Variants in LAMA2 observed in about 807,000 individuals in gnomAD.
LAMA2 encodes laminin subunit alpha-2.
Under a neutral mutation model 364.8 loss-of-function variants are expected in LAMA2, and 269 were observed. The observed-to-expected ratio is 0.74, with a 90% confidence interval of 0.67 to 0.82. The LOEUF is 0.82. LAMA2 is among the 40% of genes least tolerant of loss of function. The pLI, the probability that LAMA2 is intolerant of heterozygous loss-of-function variation, is 0.00. For synonymous variants in LAMA2, 1,379 were observed against 1,370.6 expected (o/e 1.01, Z -0.14); for missense variants, 3,807 against 3,873.2 (o/e 0.98, Z 0.45).
At chr6:128,948,061 A>G (rs1006684854) in intron 1 of LAMA2, among the ~76,000 whole-genome samples, 8 of 152,136 alleles carry the variant, frequency 5.3e-5, no homozygotes, top group African/African-American at 1.9e-4. Flanking sequence ...TGGGGAGTTA[A>G]AAGAGCCTGT....
chr6:129,420,610 CAAAA>C (rs964343468), intron 40 of LAMA2, among the ~76,000 whole-genome samples: 3 of 151,442 alleles, frequency 2.0e-5, no homozygotes, highest in African/African-American at 7.3e-5. Context: ...AAAAAGTAAA[CAAAA>C]AAACAGAAAA....
intron 15 of LAMA2, among the ~76,000 whole-genome samples, chr6:129,266,852 A>G (rs550621550): frequency 2.0e-4 from 30 of 151,936 alleles, no homozygotes; most frequent in African/African-American, 7.2e-4. Flanking sequence ...GCTTTATTTT[A>G]CCATTTCAGA....
intron 30 of LAMA2, 95 bp downstream of exon 30, chr6:129,342,562 C>CA: frequency 2.5e-6 from 3 of 1,185,198 alleles, no homozygotes; most frequent in Non-Finnish European, 3.6e-6. Context: ...TCCATGTAGA[C>CA]AAAAATCTCA....
intron 16 of LAMA2, among the ~76,000 whole-genome samples, chr6:129,269,945 A>G (rs1195648043): frequency 6.6e-6 from 1 of 152,142 alleles, no homozygotes; most frequent in East Asian, 1.9e-4. Flanking sequence ...CCTGTTTTCA[A>G]ATATCACCAG....
At chr6:129,172,704 G>A (rs1334615438) in intron 9 of LAMA2, among the ~76,000 whole-genome samples, 1 of 152,250 alleles carries the variant, frequency 6.6e-6, no homozygotes, top group Non-Finnish European at 1.5e-5. Flanking sequence ...GCTCCACCCA[G>A]TTGGAGCTTC....
intron 58 of LAMA2, among the ~76,000 whole-genome samples, chr6:129,495,515 G>A (rs1054562874): frequency 6.6e-6 from 1 of 152,136 alleles, no homozygotes; most frequent in African/African-American, 2.4e-5. Context: ...ATGTTTTAAT[G>A]TTTTTAATAG....
At chr6:128,916,271 G>C (rs1267341836) in intron 1 of LAMA2, among the ~76,000 whole-genome samples, 1 of 152,022 alleles carries the variant, frequency 6.6e-6, no homozygotes, top group African/African-American at 2.4e-5. Flanking sequence ...TGAGAATTGA[G>C]GCCAAAACTT....
At chr6:129,171,976 A>AGGCTTCTGC (rs1440613804) in intron 9 of LAMA2, among the ~76,000 whole-genome samples, 2 of 124,458 alleles carry the variant, frequency 1.6e-5, no homozygotes, top group African/African-American at 6.2e-5. Flanking sequence ...TCGGCTCCTG[A>AGGCTTCTGC]GGCTTCTGCA....
At chr6:129,306,169 T>A (rs1027199946) in intron 22 of LAMA2, among the ~76,000 whole-genome samples, 9 of 152,096 alleles carry the variant, frequency 5.9e-5, no homozygotes, top group East Asian at 3.9e-4. Flanking sequence ...CTCTTTTTCC[T>A]TGTGTATATC....
chr6:129,231,846 T>G lies in LAMA2; in HGVS notation c.1783-18266T>G, dbSNP rs577815702. 3.0e-4 allele frequency among the ~76,000 whole-genome samples: 45 copies of G among 152,182 alleles called. 1 individual carries two copies. The highest frequency in any genetic ancestry group is 2.9e-3 in the Admixed American group (45 of 15,268). On this transcript the variant is annotated intron_variant, in intron 12 of 64. Coordinates refer to ENST00000421865, the MANE Select transcript of LAMA2 (RefSeq NM_000426.4). ...AGTGCATCTTAGACATAAAACAATT[T>G]AACTGCTTGAAGAAAATGTCCAGCT...
chr6:129,205,492 A>G (rs1277424574), intron 12 of LAMA2, among the ~76,000 whole-genome samples: 1 of 99,798 alleles, frequency 1.0e-5, no homozygotes, highest in East Asian at 2.3e-4. Context: ...ATATATATAT[A>G]TACACACACA....
chr6:129,295,343 C>T (rs1454517801), intron 20 of LAMA2, among the ~76,000 whole-genome samples: 5 of 152,052 alleles, frequency 3.3e-5, no homozygotes, highest in Non-Finnish European at 5.9e-5. Flanking sequence ...CTTATTACCC[C>T]GAGAGAGACA....
Position 129,369,979 on chromosome 6 carries a change from C to T in LAMA2, c.4948C>T (p.Leu1650=). The T allele has an allele frequency of 6.2e-7, 1 of 1,613,944 alleles. No homozygotes were observed. Among genetic ancestry groups the T allele is most frequent in the Non-Finnish European group, 8.5e-7 (1 of 1,179,860 alleles). Residue 1650 remains leucine, a synonymous_variant, in exon 34 of 65, where the codon CTG becomes TTG. Transcript: ENST00000421865. ...LNTLVTEMNE[L]LTRATKVTAD... The stretch of plus-strand genomic sequence containing the variant: ...TACACTCGTGACCGAAATGAACGAG[C>T]TGCTGACCAGGGTAAGGTGGCAAAA...
At chr6:129,342,247 T>G (rs1476920495) in intron 29 of LAMA2, 96 bp from the exon 30 acceptor site, 8 of 1,029,872 alleles carry the variant, frequency 7.8e-6, no homozygotes, top group Admixed American at 1.7e-5. Flanking sequence ...GTATATGTGT[T>G]CATAGACACA....
chr6:129,508,908 G>A (rs1468232423), intron 62 of LAMA2, among the ~76,000 whole-genome samples: 2 of 152,056 alleles, frequency 1.3e-5, no homozygotes, highest in African/African-American at 4.8e-5. Flanking sequence ...TCTATTTTTG[G>A]TGTTTTGAGG....
chr6:129,019,758 A>G (rs936151329), intron 1 of LAMA2, among the ~76,000 whole-genome samples: 4 of 152,158 alleles, frequency 2.6e-5, no homozygotes, highest in Non-Finnish European at 5.9e-5. Context: ...ATATCCTAAA[A>G]TGGCCTGATT....
chr6:129,385,776 G>A (rs1295987475), intron 35 of LAMA2, among the ~76,000 whole-genome samples: 1 of 152,062 alleles, frequency 6.6e-6, no homozygotes, highest in African/African-American at 2.4e-5. Context: ...CATACAATAG[G>A]ACTTAATCAA....
At position 129,227,064 on chromosome 6, in the gene LAMA2, A is replaced by G. The variant is rs1254491445; in HGVS notation, c.1783-23048A>G. On this transcript the variant is annotated intron_variant, in intron 12 of 64. Transcript: ENST00000421865. Reference sequence around the variant, plus strand: ...CTTTTTTCTCTAAACTTCTCTTCTCACTTCATTTCATTCATTTGATCTTCA... The same window carrying G: ...CTTTTTTCTCTAAACTTCTCTTCTCGCTTCATTTCATTCATTTGATCTTCA... Among the ~76,000 whole-genome samples, 6 of 151,744 alleles carry G rather than the reference A, an allele frequency of 4.0e-5. No homozygotes were observed. In the South Asian group the frequency reaches 1.0e-3, roughly 26 times the overall value.
chr6:128,906,401 T>C (rs1432983951), intron 1 of LAMA2, among the ~76,000 whole-genome samples: 6 of 128,242 alleles, frequency 4.7e-5, no homozygotes, highest in East Asian at 2.1e-4. Flanking sequence ...ATGAGCATTT[T>C]TTCATGTGTT....
Sources: gnomAD v4.1 joint callset for allele counts (sites outside exome capture counted in the v4.1 genomes callset) on GRCh38, gnomAD v4.1.1 for gene constraint, MANE v1.5 for transcripts, NCBI Gene and HGNC (gene_info 2026-07-23, HGNC 2026-07-21) for gene names.